The following NUDCD1 variants were observed in gnomAD, a reference collection of about 807,000 sequenced individuals.
NUDCD1 encodes the protein nudC domain-containing protein 1.
Under a neutral mutation model 67.8 loss-of-function variants are expected in NUDCD1, and 60 were observed. The observed-to-expected ratio is 0.88, with a 90% confidence interval of 0.72 to 1.10. NUDCD1 has a LOEUF of 1.10. Ranked by LOEUF, NUDCD1 falls within the 50% of genes least tolerant of loss-of-function variation. The pLI is 0.00. For synonymous variants in NUDCD1, 244 were observed against 230.8 expected, an observed-to-expected ratio of 1.06 and a Z score of -0.52; for missense variants, 643 against 695.0, an observed-to-expected ratio of 0.93 and a Z score of 0.84.
intron 1 of NUDCD1, chr8:109,329,961 A>G (rs1048514379): frequency 4.1e-5 from 58 of 1,409,010 alleles, no homozygotes; most frequent in Non-Finnish European, 1.5e-5. Context: ...CATAATACAG[A>G]TTCTATAGTG....
At chr8:109,300,895 A>C (rs558391034) in intron 2 of NUDCD1, among the ~76,000 whole-genome samples, 1 of 152,354 alleles carries the variant, frequency 6.6e-6, no homozygotes, top group East Asian at 1.9e-4. Flanking sequence ...GATTAACAGC[A>C]GATTTGTCAG....
intron 8 of NUDCD1, among the ~76,000 whole-genome samples, chr8:109,270,090 A>AGGGGGGGGGGGGGGGGGGGG (rs1563665962): frequency 1.3e-4 from 1 of 7,612 alleles, no homozygotes; most frequent in African/African-American, 5.6e-4. Flanking sequence ...GGGTGCCTTA[A>AGGGGGGGGGGGGGGGGGGGG]GGTGGGGTGT....
chr8:109,262,391 C>A (rs911531925), intron 8 of NUDCD1, among the ~76,000 whole-genome samples: 4 of 152,172 alleles, frequency 2.6e-5, no homozygotes, highest in African/African-American at 9.7e-5. Flanking sequence ...GACAGGACTT[C>A]CTTTTCTACA....
chr8:109,306,340 A>G (rs748612857), intron 2 of NUDCD1, among the ~76,000 whole-genome samples: 1 of 151,780 alleles, frequency 6.6e-6, no homozygotes, highest in Non-Finnish European at 1.5e-5. Context: ...TTCTTATGCC[A>G]CCCTCTACCT....
rs1406887210 is a variant in NUDCD1 at position 109,308,909 on chromosome 8, T to C, written c.274-12340A>G. ...ATGGCATGAACCCAGGAGGCAGAGC[T>C]TGCAGTGAGCCGAGATCGTGCCACT... On this transcript the variant is annotated intron_variant, in intron 2 of 9. Transcript: ENST00000239690. Among the ~76,000 whole-genome samples the C allele has an allele frequency of 4.0e-5, 6 of 151,194 alleles. No individual in the cohort carries two copies. In the East Asian group the frequency reaches 1.2e-3, roughly 29 times the overall value.
At chr8:109,292,915 C>A (rs1379286738) in intron 4 of NUDCD1, among the ~76,000 whole-genome samples, 1 of 151,782 alleles carries the variant, frequency 6.6e-6, no homozygotes, top group Non-Finnish European at 1.5e-5. Context: ...AGAAATCATA[C>A]CTGTACTTTA....
chr8:109,245,188 A>T, intron 9 of NUDCD1, 134 bp downstream of exon 9: 1 of 838,424 alleles, frequency 1.2e-6, no homozygotes. Flanking sequence ...GTACAAGCAA[A>T]CAAATCATAG....
intron 2 of NUDCD1, among the ~76,000 whole-genome samples, chr8:109,309,551 A>G (rs530459937): frequency 8.5e-5 from 13 of 152,312 alleles, no homozygotes; most frequent in African/African-American, 2.6e-4. Flanking sequence ...AAACTGGAAC[A>G]AGACAAGCAT....
intron 1 of NUDCD1, among the ~76,000 whole-genome samples, chr8:109,331,065 G>T (rs1039766910): frequency 6.6e-6 from 1 of 152,074 alleles, no homozygotes; most frequent in Non-Finnish European, 1.5e-5. Context: ...AAAATCGGTC[G>T]GAGCAGTGGC....
At position 109,243,312 on chromosome 8, in the gene NUDCD1, T is replaced by A. The variant is rs1308243817; in HGVS notation, c.1460-11A>T. The A allele has an allele frequency of 6.5e-7, 1 of 1,547,404 alleles. No homozygotes were observed. Among genetic ancestry groups the A allele is most frequent in the African/African-American group, 1.4e-5 (1 of 72,244 alleles). On this transcript the variant is annotated splice_polypyrimidine_tract_variant and intron_variant, in intron 9 of 9. Coordinates refer to ENST00000239690, the MANE Select transcript of NUDCD1 (RefSeq NM_032869.4). ...ATGCTTGGACATAGCCTGCCAAGAA[T>A]ATGAGACAAACAAAAGAAAAACTAT... is the stretch of plus-strand genomic sequence containing the variant.
At chr8:109,252,053 C>T (rs762311103) in intron 8 of NUDCD1, among the ~76,000 whole-genome samples, 1 of 152,036 alleles carries the variant, frequency 6.6e-6, no homozygotes, top group East Asian at 1.9e-4. Flanking sequence ...TTGTTCCATC[C>T]CAAGCTTTAG....
chr8:109,326,757 T>C (rs983496600), intron 1 of NUDCD1, among the ~76,000 whole-genome samples: 12 of 152,118 alleles, frequency 7.9e-5, no homozygotes, highest in African/African-American at 2.4e-4. Context: ...CACAAAAGCC[T>C]CATGGGACCT....
chr8:109,318,980 C>T (rs2926251), intron 2 of NUDCD1, among the ~76,000 whole-genome samples: 52,223 of 142,584 alleles, frequency 0.37, 10,209 homozygotes, highest in South Asian at 0.5. Flanking sequence ...TTTTTTGAGA[C>T]GGACTCTTGC....
intron 2 of NUDCD1, among the ~76,000 whole-genome samples, chr8:109,321,513 ATTTT>A (rs144110426): frequency 6.6e-6 from 1 of 151,932 alleles, no homozygotes; most frequent in Non-Finnish European, 1.5e-5. Context: ...TTCTAAGGAC[ATTTT>A]TTTTAAAAAG....
At chr8:109,272,533 T>A (rs888014966) in intron 7 of NUDCD1, among the ~76,000 whole-genome samples, 3 of 152,196 alleles carry the variant, frequency 2.0e-5, no homozygotes, top group African/African-American at 7.2e-5. Flanking sequence ...TGTCTGGTCT[T>A]ATATACCTCA....
chr8:109,263,985 A>G (rs775828425), intron 8 of NUDCD1, among the ~76,000 whole-genome samples: 17 of 152,172 alleles, frequency 1.1e-4, no homozygotes, highest in Non-Finnish European at 1.9e-4. Flanking sequence ...TGTCCTTGAG[A>G]AAGAAGTCAA....
At chr8:109,288,772 T>C (rs550619394) in intron 5 of NUDCD1, among the ~76,000 whole-genome samples, 162 of 152,152 alleles carry the variant, frequency 1.1e-3, no homozygotes, top group African/African-American at 3.7e-3. Context: ...AATAACTTGT[T>C]TAACAAAAAA....
intron 8 of NUDCD1, among the ~76,000 whole-genome samples, chr8:109,264,256 G>A (rs1292568837): frequency 1.3e-5 from 2 of 152,110 alleles, no homozygotes; most frequent in African/African-American, 4.8e-5. Flanking sequence ...CAAAGTAAAT[G>A]ACCAAAGTCT....
intron 8 of NUDCD1, among the ~76,000 whole-genome samples, chr8:109,254,613 T>C (rs1047083908): frequency 6.6e-6 from 1 of 152,096 alleles, no homozygotes; most frequent in Admixed American, 6.5e-5. Flanking sequence ...ATTACCTTTG[T>C]AGTCTTTGAA....
Sources: allele counts gnomAD v4.1 joint callset (sites outside exome capture counted in the v4.1 genomes callset), GRCh38; gene constraint gnomAD v4.1.1; transcripts MANE v1.5; gene names NCBI Gene and HGNC (gene_info 2026-07-23, HGNC 2026-07-21).